CTNNA3: variants seen among roughly 807,000 people sequenced by gnomAD.
CTNNA3 encodes catenin alpha 3, also known as catenin alpha-3.
In CTNNA3, 76 loss-of-function variants were observed where a neutral mutation model predicts 95.7. That is an observed-to-expected ratio of 0.79 (90% CI 0.66 to 0.96). The LOEUF is 0.96. CTNNA3 is among the 40% of genes least tolerant of loss of function. The pLI, the probability that CTNNA3 is intolerant of heterozygous loss-of-function variation, is 0.00. For synonymous variants in CTNNA3, 431 were observed against 374.4 expected (o/e 1.15, Z -1.74); for missense variants, 1,191 against 1,089.8 (o/e 1.09, Z -1.31).
chr10:66,550,473 T>C (rs1299485965), intron 10 of CTNNA3, among the ~76,000 whole-genome samples: 1 of 152,160 alleles, frequency 6.6e-6, no homozygotes, highest in Non-Finnish European at 1.5e-5. Context: ...TCGTTTTAAA[T>C]TGGACACAAC....
At chr10:67,298,731 T>C (rs1840144593) in intron 5 of CTNNA3, among the ~76,000 whole-genome samples, 1 of 152,102 alleles carries the variant, frequency 6.6e-6, no homozygotes, top group African/African-American at 2.4e-5. Context: ...TAATGGAAAA[T>C]AAAACAACTT....
At chr10:66,782,412 G>A (rs984188982) in intron 7 of CTNNA3, among the ~76,000 whole-genome samples, 2 of 151,986 alleles carry the variant, frequency 1.3e-5, no homozygotes, top group Admixed American at 1.3e-4. Context: ...TGTTCAACAG[G>A]AAAATTCTTA....
At chr10:66,925,901 CA>C in intron 7 of CTNNA3, 1 of 411,002 alleles carries the variant, frequency 2.4e-6, no homozygotes, top group Non-Finnish European at 5.0e-6. Flanking sequence ...CTGAGCCACC[CA>C]AAAGAATCAT....
At chr10:66,902,392 G>A (rs1845789680) in intron 7 of CTNNA3, among the ~76,000 whole-genome samples, 1 of 151,982 alleles carries the variant, frequency 6.6e-6, no homozygotes, top group African/African-American at 2.4e-5. Context: ...TATGTAGATG[G>A]AAATTTATAG....
intron 11 of CTNNA3, among the ~76,000 whole-genome samples, chr10:66,504,815 T>C (rs1840396172): frequency 6.6e-6 from 1 of 152,178 alleles, no homozygotes; most frequent in African/African-American, 2.4e-5. Context: ...TATCTGGCCA[T>C]TGAAAATAAT....
intron 7 of CTNNA3, chr10:67,054,683 A>G (rs1225574245): frequency 6.6e-6 from 1 of 152,180 alleles, no homozygotes; most frequent in Non-Finnish European, 1.5e-5. Flanking sequence ...GAGAGGCACT[A>G]AGAATGAGAT....
At chr10:66,414,192 G>A (rs890879180) in intron 11 of CTNNA3, among the ~76,000 whole-genome samples, 1 of 152,090 alleles carries the variant, frequency 6.6e-6, no homozygotes, top group Non-Finnish European at 1.5e-5. Flanking sequence ...TCAAAAATGG[G>A]TTTTGAAATG....
At chr10:66,021,950 C>A (rs2079227718) in intron 15 of CTNNA3, among the ~76,000 whole-genome samples, 1 of 147,674 alleles carries the variant, frequency 6.8e-6, no homozygotes, top group African/African-American at 2.5e-5. Context: ...ACTTCCCAGG[C>A]TCAAGAGATG....
intron 12 of CTNNA3, among the ~76,000 whole-genome samples, chr10:66,365,316 A>G (rs1033235095): frequency 6.6e-6 from 1 of 152,146 alleles, no homozygotes; most frequent in Admixed American, 6.5e-5. Flanking sequence ...GTTCTCACTC[A>G]TAAGTGGGAG....
intron 12 of CTNNA3, among the ~76,000 whole-genome samples, chr10:66,313,069 G>A (rs965913259): frequency 2.0e-5 from 3 of 152,202 alleles, no homozygotes; most frequent in Admixed American, 2.0e-4. Flanking sequence ...ATTGAGAAGA[G>A]AGAGAGTGTA....
Position 67,180,316 on chromosome 10 carries a change from C to T in CTNNA3, c.1047+1G>A, listed in dbSNP as rs1445797065. 4.3e-6 allele frequency: 7 copies of T among 1,612,844 alleles called. No individual in the cohort carries two copies. The highest frequency in any genetic ancestry group is 5.1e-6 in the Non-Finnish European group (6 of 1,179,580). On this transcript the variant is annotated splice_donor_variant, in intron 7 of 17. Transcript: ENST00000433211. LOFTEE classifies it high-confidence loss of function. ...GATGGGAAGGCAAACCAGTCACCTA[C>T]GTTGTTCATGTACTCTGAAAGCAGA...
At chr10:67,455,787 C>G (rs1847151182) in intron 5 of CTNNA3, among the ~76,000 whole-genome samples, 2 of 152,008 alleles carry the variant, frequency 1.3e-5, no homozygotes, top group Admixed American at 6.6e-5. Flanking sequence ...TTTTTCATGT[C>G]TGAAAGACTG....
chr10:67,027,540 T>C (rs1241397027), intron 7 of CTNNA3, among the ~76,000 whole-genome samples: 1 of 151,552 alleles, frequency 6.6e-6, no homozygotes, highest in Admixed American at 6.6e-5. Flanking sequence ...GTTCAAGTGA[T>C]TCTCCTGCCT....
At chr10:66,774,394 C>T (rs1278420000) in intron 8 of CTNNA3, among the ~76,000 whole-genome samples, 1 of 152,168 alleles carries the variant, frequency 6.6e-6, no homozygotes, top group Non-Finnish European at 1.5e-5. Flanking sequence ...CCTGCTTTCT[C>T]ATTTGCATCG....
At chr10:66,432,486 ATC>A (rs1315242333) in intron 11 of CTNNA3, among the ~76,000 whole-genome samples, 1 of 151,960 alleles carries the variant, frequency 6.6e-6, no homozygotes, top group Non-Finnish European at 1.5e-5. Context: ...GTGAAACCCC[ATC>A]TCTACTAAAA....
intron 5 of CTNNA3, among the ~76,000 whole-genome samples, chr10:67,249,409 A>T (rs959428387): frequency 6.6e-6 from 1 of 152,194 alleles, no homozygotes; most frequent in African/African-American, 2.4e-5. Context: ...ATTTACATAC[A>T]TCACATCCTA....
At chr10:66,986,983 C>T (rs971451213) in intron 7 of CTNNA3, among the ~76,000 whole-genome samples, 1 of 152,048 alleles carries the variant, frequency 6.6e-6, no homozygotes, top group Non-Finnish European at 1.5e-5. Context: ...CACTAATAAG[C>T]TGATACATGA....
At chr10:66,683,514 G>C (rs145500401) in intron 9 of CTNNA3, among the ~76,000 whole-genome samples, 1 of 152,242 alleles carries the variant, frequency 6.6e-6, no homozygotes, top group African/African-American at 2.4e-5. Context: ...ATGTATTATG[G>C]AGAAGCAATG....
chr10:66,123,852 G>A (rs1397801160), intron 13 of CTNNA3, among the ~76,000 whole-genome samples: 1 of 152,146 alleles, frequency 6.6e-6, no homozygotes, highest in Admixed American at 6.5e-5. Flanking sequence ...GGGAGGCAGG[G>A]CACCAAGTTC....
Sources: allele counts gnomAD v4.1 joint callset (sites outside exome capture counted in the v4.1 genomes callset), GRCh38; gene constraint gnomAD v4.1.1; transcripts MANE v1.5; gene names NCBI Gene and HGNC (gene_info 2026-07-23, HGNC 2026-07-21).